MDGA1: variants seen among roughly 807,000 people sequenced by gnomAD.
The protein encoded by MDGA1 is MAM domain-containing glycosylphosphatidylinositol anchor protein 1.
Under a neutral mutation model 101.5 loss-of-function variants are expected in MDGA1, and 54 were observed. The ratio of observed to expected loss-of-function variants is 0.53; its 90% CI spans 0.43 to 0.67. The LOEUF is 0.67. MDGA1 is among the 30% of genes least tolerant of loss of function. MDGA1 has a pLI of 0.00. For missense variants in MDGA1, 1,083 were observed against 1,323.8 expected (o/e 0.82, Z 2.82); for synonymous variants, 533 against 558.3 (o/e 0.95, Z 0.64).
chr6:37,644,487 A>G lies in MDGA1; in HGVS notation c.2401+10T>C. ...AATCCTCCATTTCTGGCAGCAGGCC[A>G]GGTCCTCACCCTCAGGGGTGCCACT... On this transcript the variant is annotated intron_variant, in intron 13 of 16. Transcript: ENST00000434837. 1 of 1,547,554 alleles carries G rather than the reference A, an allele frequency of 6.5e-7. No individual in the cohort carries two copies. Among genetic ancestry groups the G allele is most frequent in the Non-Finnish European group, 8.7e-7 (1 of 1,145,958 alleles).
Position 37,646,332 on chromosome 6 carries a change from C to G in MDGA1, c.2090G>C (p.Arg697Pro), listed in dbSNP as rs368133748. The G allele has an allele frequency of 6.3e-6, 10 of 1,581,982 alleles. No individual in the cohort carries two copies. In the South Asian group the frequency reaches 1.2e-4, roughly 18 times the overall value. The change falls in exon 11 of 17, where the codon CGT (arginine) becomes CCT (proline). Residue 697 changes from arginine (R) to proline (P), a missense_variant. By Grantham distance (103) the Arg-to-Pro change is moderately radical (BLOSUM62 -2). Transcript: ENST00000434837. ...CTCCAGCAGCTGCCCCTTCTCCACA[C>G]GCCGGACCGGGATGGCCTTGACCAC... ...NAVVKAIPVR[R>P]VEKGQLLEYI... is the part of the protein sequence containing the mutation.
rs1217990798 is a variant in MDGA1 at position 37,652,900 on chromosome 6, T to A, written c.983-560A>T. ...GAACTGAGGAGAATTGACAATTGAA[T>A]TCTTACATTTCACTCTTTTGTGCTG... On this transcript the variant is annotated intron_variant, in intron 6 of 16. Transcript: ENST00000434837. This position sits in a 1 kb window ranked among gnomAD's most constrained non-coding sequence, Gnocchi z 4.3. 6.6e-6 allele frequency among the ~76,000 whole-genome samples: 1 copy of A among 152,268 alleles called. No homozygotes were observed.
chr6:37,680,661 C>T (rs1234642848), intron 1 of MDGA1, among the ~76,000 whole-genome samples: 4 of 152,252 alleles, frequency 2.6e-5, no homozygotes, highest in Non-Finnish European at 2.9e-5. Context: ...TAAGCATGAG[C>T]ACTGGATCGG....
At chr6:37,691,868 G>C (rs1762314654) in intron 1 of MDGA1, among the ~76,000 whole-genome samples, 1 of 152,174 alleles carries the variant, frequency 6.6e-6, no homozygotes, top group African/African-American at 2.4e-5. Context: ...TTCTGCAAGG[G>C]CACAAGCACC....
chr6:37,649,220 C>G lies in MDGA1; in HGVS notation c.1656G>C (p.Leu552=), dbSNP rs888692657. ...AGCAGCGCAGGAGCACGGGCCGGCCCAGCGCCTGGCGCACGTCCTGGGAAC... is the reference window on the plus strand; with the variant it reads ...AGCAGCGCAGGAGCACGGGCCGGCCGAGCGCCTGGCGCACGTCCTGGGAAC... The part of the protein sequence containing the change: ...EPSSQDVRQA[L]GRPVLLRCSL... The change falls in exon 9 of 17, where the codon CTG becomes CTC. Residue 552 remains leucine (L), a synonymous_variant. Coordinates refer to ENST00000434837, the MANE Select transcript of MDGA1 (RefSeq NM_153487.4). 1 of 1,509,416 alleles carries G rather than the reference C, an allele frequency of 6.6e-7. No individual in the cohort carries two copies. The highest frequency in any genetic ancestry group is 8.8e-7 in the Non-Finnish European group (1 of 1,136,938). The allele number at this position is 1,509,416 out of a possible 1,614,324, so 93.5% of individuals were successfully genotyped here. A position where few individuals can be genotyped will look rare whatever the true frequency, so the allele number is the denominator to read the frequency against.
At position 37,643,933 on chromosome 6, in the gene MDGA1, C is replaced by T. The variant is rs1764155664; in HGVS notation, c.2412G>A (p.Met804Ile). The change falls in exon 14 of 17, where the codon ATG becomes ATA. Residue 804 changes from methionine to isoleucine, a missense_variant. Around this residue, in one of 3 missense-constraint regions of MDGA1, gnomAD observed 657 missense variants for 771.4 expected, o/e 0.85. Transcript: ENST00000434837. ...CCCGAGGCCTCGATGTCTCGATGAA[C>T]ATGTAGTAGCCTGCGGGGAATGGGG... Reference protein sequence around the residue: ...DISGTPEGYYMFIETSRPREL... With the variant: ...DISGTPEGYYIFIETSRPREL... 6.2e-7 allele frequency: 1 copy of T among 1,613,862 alleles called. No homozygotes were observed. Among genetic ancestry groups the T allele is most frequent in the South Asian group, 1.1e-5 (1 of 91,072 alleles).
chr6:37,691,680 T>C (rs1263602067), intron 1 of MDGA1, among the ~76,000 whole-genome samples: 1 of 152,212 alleles, frequency 6.6e-6, no homozygotes, highest in Admixed American at 6.5e-5. Flanking sequence ...AAAACAAAAA[T>C]ATTCATTCCT....
At chr6:37,646,625 G>A (rs755564617) in intron 10 of MDGA1, among the ~76,000 whole-genome samples, 1 of 152,150 alleles carries the variant, frequency 6.6e-6, no homozygotes, top group South Asian at 2.1e-4. Context: ...CCATTTTACA[G>A]ATAAGGAAAC....
Position 37,637,001 on chromosome 6 carries a change from G to A in MDGA1, c.*367C>T, listed in dbSNP as rs188719811. On this transcript the variant is annotated 3_prime_UTR_variant, in exon 17 of 17. Transcript: ENST00000434837. ...CAGGGTAAAGTCAGAAGCACACCAC[G>A]AGTGCAGCAAGGACAAGGCCTATGT... The A allele has an allele frequency of 1.2e-3, 202 of 172,492 alleles. No individual in the cohort carries two copies. Among genetic ancestry groups the A allele is most frequent in the South Asian group, 6.0e-3 (33 of 5,500 alleles). 10.7% of individuals were successfully genotyped at this position (172,492 alleles called of 1,614,324 possible). A position where few individuals can be genotyped will look rare whatever the true frequency, so the allele number is the denominator to read the frequency against.
Position 37,652,481 on chromosome 6 carries a change from A to G in MDGA1, c.983-141T>C, listed in dbSNP as rs919599978. On this transcript the variant is annotated intron_variant, in intron 6 of 16. Coordinates refer to ENST00000434837, the MANE Select transcript of MDGA1 (RefSeq NM_153487.4). This position sits in a 1 kb window ranked among gnomAD's most constrained non-coding sequence, Gnocchi z 4.3. ...GGCTACAACTCCCCCAGGTGAAACT[A>G]TCACTTTTCTCTGCCTGGGAATTGT... The G allele has an allele frequency of 8.1e-6, 5 of 616,912 alleles. No homozygotes were observed. The highest frequency in any genetic ancestry group is 1.4e-5 in the Non-Finnish European group (5 of 354,984). The allele number at this position is 616,912 out of a possible 1,614,324, so 38.2% of individuals were successfully genotyped here.
intron 14 of MDGA1, 52 bp downstream of exon 14, chr6:37,643,757 C>T (rs1179580743): frequency 6.2e-7 from 1 of 1,606,056 alleles, no homozygotes; most frequent in East Asian, 2.2e-5. Flanking sequence ...CCCCACTCCC[C>T]TCCCATCCTC....
At chr6:37,648,753 G>T in intron 9 of MDGA1, 2 of 750,088 alleles carry the variant, frequency 2.7e-6, no homozygotes, top group Non-Finnish European at 4.1e-6. Context: ...GGCGTGGCCC[G>T]CACCTGGAGG....
intron 1 of MDGA1, among the ~76,000 whole-genome samples, chr6:37,686,922 G>A (rs1762209348): frequency 6.6e-6 from 1 of 152,176 alleles, no homozygotes; most frequent in East Asian, 1.9e-4. Flanking sequence ...GGGTCCTTAT[G>A]CTGCTCCCTT....
At position 37,696,949 on chromosome 6, in the gene MDGA1, G is replaced by A. The variant is rs1371552312; in HGVS notation, c.-138C>T. ...AGAGAGAGAGCGGCGACGAAGACCA[G>A]GAGACTGAAGAGGCGGAGGTGGCGG... On this transcript the variant is annotated 5_prime_UTR_variant, in exon 1 of 17. Coordinates refer to ENST00000434837, the MANE Select transcript of MDGA1 (RefSeq NM_153487.4). This position sits in a 1 kb window ranked among gnomAD's most constrained non-coding sequence, Gnocchi z 5.6. 1.4e-6 allele frequency: 1 copy of A among 712,722 alleles called. No homozygotes were observed. Among genetic ancestry groups the A allele is most frequent in the Non-Finnish European group, 2.4e-6 (1 of 414,476 alleles). 44.1% of individuals were successfully genotyped at this position (712,722 alleles called of 1,614,324 possible).
Position 37,631,902 on chromosome 6 carries a change from T to C in MDGA1, c.*5466A>G, listed in dbSNP as rs763967944. 3 of 152,142 alleles carry C rather than the reference T, an allele frequency of 2.0e-5. No homozygotes were observed. Among genetic ancestry groups the C allele is most frequent in the African/African-American group, 4.8e-5 (2 of 41,406 alleles). The allele number at this position is 152,142 out of a possible 1,614,324, so 9.4% of individuals were successfully genotyped here. A position where few individuals can be genotyped will look rare whatever the true frequency, so the allele number is the denominator to read the frequency against. The stretch of plus-strand genomic sequence containing the variant: ...GAATAGAGATTAAGAGGGAAGGGAC[T>C]CCAAGCGTGTAGGAGGGATGGTAGG... On this transcript the variant is annotated 3_prime_UTR_variant, in exon 17 of 17. Coordinates refer to ENST00000434837, the MANE Select transcript of MDGA1 (RefSeq NM_153487.4).
intron 1 of MDGA1, among the ~76,000 whole-genome samples, chr6:37,673,053 T>C (rs552926814): frequency 1.3e-5 from 2 of 152,066 alleles, no homozygotes; most frequent in African/African-American, 4.8e-5. Flanking sequence ...TATTTATTGC[T>C]CCTAACAAGC....
rs755491574 is a variant in MDGA1 at position 37,643,935 on chromosome 6, T to C, written c.2410A>G (p.Met804Val). The C allele has an allele frequency of 6.2e-7, 1 of 1,613,750 alleles. No homozygotes were observed. Among genetic ancestry groups the C allele is most frequent in the African/African-American group, 1.3e-5 (1 of 75,006 alleles). Residue 804 changes from methionine to valine, a missense_variant, in exon 14 of 17, where the codon ATG (methionine) becomes GTG (valine). Physicochemically the swap from Met to Val is conservative, Grantham distance 21. This residue lies in a region of MDGA1 where 657 missense variants were observed against 771.4 expected (regional missense o/e 0.85). Coordinates refer to ENST00000434837, the MANE Select transcript of MDGA1 (RefSeq NM_153487.4). ...CGAGGCCTCGATGTCTCGATGAACA[T>C]GTAGTAGCCTGCGGGGAATGGGGAG... is the stretch of plus-strand genomic sequence containing the variant. ...DISGTPEGYYMFIETSRPREL... is the reference protein window; with the variant it reads ...DISGTPEGYYVFIETSRPREL...
chr6:37,658,528 G>T, intron 2 of MDGA1, 109 bp from the exon 3 acceptor site: 1 of 1,167,174 alleles, frequency 8.6e-7, no homozygotes. Context: ...TTTTTCACAA[G>T]CGCACGTGGG....
In MDGA1 at chr6:37,696,863, G is replaced by GGGGGGCGCATTCGCC. The variant is rs1417105720; in HGVS notation, c.-67_-53dup. On this transcript the variant is annotated 5_prime_UTR_variant, in exon 1 of 17. In the 5' UTR this introduces an upstream ATG that the reference lacks. Transcript: ENST00000434837. This position sits in a 1 kb window ranked among gnomAD's most constrained non-coding sequence, Gnocchi z 5.6. Reference sequence around the variant, plus strand: ...GAGGCGGCGCAGCCCGAGAGGCGGCGGGGGGCGCATTCGCCGGGGCCCCGC... The same window carrying GGGGGGCGCATTCGCC: ...GAGGCGGCGCAGCCCGAGAGGCGGCGGGGGGCGCATTCGCCGGGGGCGCATTCGCCGGGGCCCCGC... 1 of 1,503,636 alleles carries GGGGGGCGCATTCGCC rather than the reference G, an allele frequency of 6.7e-7. No homozygotes were observed. The highest frequency in any genetic ancestry group is 9.0e-7 in the Non-Finnish European group (1 of 1,105,076). 93.1% of individuals were successfully genotyped at this position (1,503,636 alleles called of 1,614,324 possible). A position where few individuals can be genotyped will look rare whatever the true frequency, so the allele number is the denominator to read the frequency against.
Sources: allele counts gnomAD v4.1 joint callset (sites outside exome capture counted in the v4.1 genomes callset), GRCh38; gene constraint gnomAD v4.1.1; regional missense constraint gnomAD v4.1.1; non-coding constraint Gnocchi (gnomAD v3.1); transcripts MANE v1.5; gene names NCBI Gene and HGNC (gene_info 2026-07-23, HGNC 2026-07-21).